ZFAND4: variants seen among roughly 807,000 people sequenced by gnomAD.
The protein encoded by ZFAND4 is AN1-type zinc finger protein 4.
A neutral mutation model predicts 64.4 loss-of-function variants in ZFAND4; 43 were observed. The observed-to-expected ratio is 0.67, with a 90% CI of 0.52 to 0.86. The LOEUF is 0.86. Among genes scored for constraint, ZFAND4 ranks in the 40% least tolerant of loss-of-function variants. ZFAND4 has a pLI of 0.00. For missense variants in ZFAND4, 929 were observed against 859.8 expected (o/e 1.08, Z -1.01); for synonymous variants, 296 against 305.7 (o/e 0.97, Z 0.33).
At chr10:45,653,302 C>T (rs17696005) in intron 2 of ZFAND4, among the ~76,000 whole-genome samples, 3,875 of 152,218 alleles carry the variant, frequency 0.025, 68 homozygotes, top group East Asian at 0.053. Flanking sequence ...GGTCCTAAAA[C>T]AAGGTATAAG....
chr10:45,672,536 C>G lies in ZFAND4; in HGVS notation c.-404G>C, dbSNP rs890501404. The G allele has an allele frequency of 2.0e-4, 30 of 152,236 alleles. No individual in the cohort carries two copies. Among genetic ancestry groups the G allele is most frequent in the Admixed American group, 5.9e-4 (9 of 15,290 alleles). 9.4% of individuals were successfully genotyped at this position (152,236 alleles called of 1,614,324 possible). On this transcript the variant is annotated 5_prime_UTR_variant, in exon 1 of 10. Coordinates refer to ENST00000344646, the MANE Select transcript of ZFAND4 (RefSeq NM_174890.4). ...CGAGGGGCGGGGACAGGACTCTACC[C>G]GGCAGCCCAGCGCCGAGCGCCCGCG... is the stretch of plus-strand genomic sequence containing the variant.
chr10:45,628,896 CAAAAAA>C (rs74412113), intron 6 of ZFAND4, among the ~76,000 whole-genome samples: 2 of 45,468 alleles, frequency 4.4e-5, no homozygotes, highest in Non-Finnish European at 9.8e-5. Context: ...GGAGCTTCAC[CAAAAAA>C]AAAAAAAAAA....
At position 45,663,793 on chromosome 10, in the gene ZFAND4, G is replaced by A; in HGVS notation, c.-68C>T. 1 of 1,356,528 alleles carries A rather than the reference G, an allele frequency of 7.4e-7. No individual in the cohort carries two copies. Among genetic ancestry groups the A allele is most frequent in the Non-Finnish European group, 1.0e-6 (1 of 1,004,344 alleles). 84.0% of individuals were successfully genotyped at this position (1,356,528 alleles called of 1,614,324 possible). On this transcript the variant is annotated 5_prime_UTR_variant, in exon 2 of 10. Coordinates refer to ENST00000344646, the MANE Select transcript of ZFAND4 (RefSeq NM_174890.4). ...CTGTATTCCAGTTCTAGGCAAACCA[G>A]GTTTGAAGATTGGTAATATATATTG...
chr10:45,652,164 A>G (rs2047801408), intron 3 of ZFAND4, 131 bp from the exon 4 acceptor site: 1 of 765,666 alleles, frequency 1.3e-6, no homozygotes. Context: ...AGCAATGTAA[A>G]TACATATAAA....
chr10:45,646,204 T>C (rs187526677), intron 5 of ZFAND4, among the ~76,000 whole-genome samples: 3 of 152,258 alleles, frequency 2.0e-5, no homozygotes, highest in African/African-American at 7.2e-5. Flanking sequence ...ATTTTGAACT[T>C]TGTTAGTGAA....
At chr10:45,640,336 C>A in intron 5 of ZFAND4, 1 of 1,258,222 alleles carries the variant, frequency 7.9e-7, no homozygotes, top group Admixed American at 2.9e-5. Flanking sequence ...AGACAACAGG[C>A]TGATGAGATT....
chr10:45,652,440 CCA>C (rs2047819514), intron 3 of ZFAND4, among the ~76,000 whole-genome samples: 1 of 152,142 alleles, frequency 6.6e-6, no homozygotes, highest in African/African-American at 2.4e-5. Context: ...TACAGCTATT[CCA>C]CACTGCCTCT....
chr10:45,655,904 A>G (rs533129759), intron 2 of ZFAND4, among the ~76,000 whole-genome samples: 1 of 152,292 alleles, frequency 6.6e-6, no homozygotes, highest in African/African-American at 2.4e-5. Context: ...CCAGGGCCAG[A>G]TGGATTCACA....
chr10:45,644,510 G>C (rs1199064370), intron 5 of ZFAND4, among the ~76,000 whole-genome samples: 1 of 152,068 alleles, frequency 6.6e-6, no homozygotes, highest in Non-Finnish European at 1.5e-5. Flanking sequence ...AACCAAAGAA[G>C]TTTCTGAATG....
At chr10:45,635,608 G>A (rs1160092296) in intron 6 of ZFAND4, among the ~76,000 whole-genome samples, 2 of 152,120 alleles carry the variant, frequency 1.3e-5, no homozygotes, top group African/African-American at 2.4e-5. Context: ...AGACATATTT[G>A]TATACTTATG....
intron 1 of ZFAND4, 77 bp downstream of exon 1, chr10:45,672,173 T>C (rs1265613127): frequency 1.3e-5 from 2 of 152,206 alleles, no homozygotes; most frequent in African/African-American, 4.8e-5. Flanking sequence ...GCCTAAACTC[T>C]AGTCCGGAGT....
intron 6 of ZFAND4, among the ~76,000 whole-genome samples, chr10:45,633,852 A>C (rs11239577): frequency 0.23 from 34,610 of 152,170 alleles, 4,132 homozygotes; most frequent in South Asian, 0.37. Flanking sequence ...AATATTTTAC[A>C]TGCATGTCCA....
intron 1 of ZFAND4, among the ~76,000 whole-genome samples, chr10:45,670,689 G>A (rs1452810347): frequency 6.6e-6 from 1 of 152,070 alleles, no homozygotes; most frequent in Non-Finnish European, 1.5e-5. Flanking sequence ...AATTCAAGAT[G>A]GATTAAAGAC....
At chr10:45,670,645 A>G (rs1487875947) in intron 1 of ZFAND4, among the ~76,000 whole-genome samples, 1 of 152,222 alleles carries the variant, frequency 6.6e-6, no homozygotes, top group Non-Finnish European at 1.5e-5. Context: ...GAAAGCTGAA[A>G]CTGGATCCCT....
At chr10:45,634,824 A>T (rs2046443006) in intron 6 of ZFAND4, among the ~76,000 whole-genome samples, 1 of 152,176 alleles carries the variant, frequency 6.6e-6, no homozygotes, top group Non-Finnish European at 1.5e-5. Context: ...GGGATACAAA[A>T]TCAACATACA....
chr10:45,647,576 C>A (rs1411142483), intron 5 of ZFAND4, among the ~76,000 whole-genome samples: 1 of 152,022 alleles, frequency 6.6e-6, no homozygotes, highest in Admixed American at 6.6e-5. Flanking sequence ...GCCTTTCATG[C>A]ATAATAAAGG....
intron 6 of ZFAND4, among the ~76,000 whole-genome samples, chr10:45,630,849 G>A (rs955086206): frequency 6.6e-6 from 1 of 151,848 alleles, no homozygotes; most frequent in Non-Finnish European, 1.5e-5. Flanking sequence ...CAGGGCAGAG[G>A]GGGTATCTCA....
At chr10:45,647,730 T>A (rs991395327) in intron 5 of ZFAND4, among the ~76,000 whole-genome samples, 50 of 152,164 alleles carry the variant, frequency 3.3e-4, no homozygotes, top group Non-Finnish European at 5.9e-4. Flanking sequence ...GCTCAGTGAA[T>A]GGCCATAAAA....
intron 2 of ZFAND4, among the ~76,000 whole-genome samples, chr10:45,662,863 G>C (rs1004588637): frequency 5.3e-5 from 8 of 152,080 alleles, no homozygotes; most frequent in Non-Finnish European, 1.0e-4. Context: ...TCCATTTACT[G>C]TTATATGGAA....
Sources: gnomAD v4.1 joint callset for allele counts (sites outside exome capture counted in the v4.1 genomes callset) on GRCh38, gnomAD v4.1.1 for gene constraint, MANE v1.5 for transcripts, NCBI Gene and HGNC (gene_info 2026-07-23, HGNC 2026-07-21) for gene names.